DAAM2: variants seen among roughly 807,000 people sequenced by gnomAD.
DAAM2 encodes the protein disheveled-associated activator of morphogenesis 2.
In DAAM2, 39 loss-of-function variants were observed where a neutral mutation model predicts 120.7. That is an observed-to-expected ratio of 0.32 (90% confidence interval 0.25 to 0.42). DAAM2 has a LOEUF of 0.42. Among genes scored for constraint, DAAM2 ranks in the 10% least tolerant of loss-of-function variants. The pLI, the probability that DAAM2 is intolerant of heterozygous loss-of-function variation, is 1.00. For missense variants in DAAM2, 1,283 were observed against 1,401.7 expected (o/e 0.92, Z 1.35); for synonymous variants, 488 against 524.9 (o/e 0.93, Z 0.96).
chr6:39,853,935 C>T (rs1562027887), intron 1 of DAAM2, among the ~76,000 whole-genome samples: 1 of 152,202 alleles, frequency 6.6e-6, no homozygotes, highest in Non-Finnish European at 1.5e-5. Flanking sequence ...TCCACCCCTA[C>T]CTGCCTGAAG....
In DAAM2 at chr6:39,904,146, G is replaced by A. The variant is rs936847438; in HGVS notation, c.*2109G>A. The A allele has an allele frequency of 2.2e-6, 1 of 454,786 alleles. No individual in the cohort carries two copies. Among genetic ancestry groups the A allele is most frequent in the Non-Finnish European group, 4.4e-6 (1 of 226,096 alleles). 28.2% of individuals were successfully genotyped at this position (454,786 alleles called of 1,614,324 possible). A position where few individuals can be genotyped will look rare whatever the true frequency, so the allele number is the denominator to read the frequency against. On this transcript the variant is annotated 3_prime_UTR_variant, in exon 25 of 25. Transcript: ENST00000274867. ...CCATGGAAGACTGGATACGCACCTG[G>A]AAACAAAAGGACTATGGAAGCTGTT...
rs565455169 is a variant in DAAM2 at position 39,845,456 on chromosome 6, A to G, written c.-56-10791A>G. ...CACACACACCGCACACATACCACAA[A>G]TATATGTACCACACCACATACACAT... On this transcript the variant is annotated intron_variant, in intron 1 of 24. Coordinates refer to ENST00000274867, the MANE Select transcript of DAAM2 (RefSeq NM_001201427.2). Among the ~76,000 whole-genome samples, 13 of 68,586 alleles carry G rather than the reference A, an allele frequency of 1.9e-4. No individual in the cohort carries two copies. In the East Asian group the frequency reaches 5.9e-3, roughly 31 times the overall value. 45.0% of individuals were successfully genotyped at this position (68,586 alleles called of 152,430 possible). A position where few individuals can be genotyped will look rare whatever the true frequency, so the allele number is the denominator to read the frequency against.
At chr6:39,856,526 G>A in intron 2 of DAAM2, 56 bp downstream of exon 2, 1 of 1,339,118 alleles carries the variant, frequency 7.5e-7, no homozygotes, top group Non-Finnish European at 9.8e-7. Flanking sequence ...GGATGGAGAG[G>A]CAGAGCTGGA....
intron 1 of DAAM2, among the ~76,000 whole-genome samples, chr6:39,796,097 C>T (rs1439410010): frequency 6.6e-6 from 1 of 152,076 alleles, no homozygotes; most frequent in Non-Finnish European, 1.5e-5. Context: ...CAAACATCTC[C>T]AGTGGGTATG....
At chr6:39,810,409 G>T (rs1007021167) in intron 1 of DAAM2, among the ~76,000 whole-genome samples, 1 of 152,160 alleles carries the variant, frequency 6.6e-6, no homozygotes, top group Admixed American at 6.5e-5. Flanking sequence ...CAAATTCTAA[G>T]CAACAAGCCA....
intron 1 of DAAM2, chr6:39,819,231 T>C (rs1020345893): frequency 6.6e-6 from 1 of 152,146 alleles, no homozygotes; most frequent in Non-Finnish European, 1.5e-5. Context: ...GGATGTTAGG[T>C]TGGAGCACAG....
intron 1 of DAAM2, among the ~76,000 whole-genome samples, chr6:39,797,186 G>A (rs1256348054): frequency 6.6e-6 from 1 of 152,078 alleles, no homozygotes; most frequent in Non-Finnish European, 1.5e-5. Flanking sequence ...CATGAATTTG[G>A]GCTATTTAGT....
At chr6:39,891,511 C>CAGG in intron 18 of DAAM2, 64 bp downstream of exon 18, 1 of 1,516,700 alleles carries the variant, frequency 6.6e-7, no homozygotes, top group Non-Finnish European at 9.0e-7. Flanking sequence ...GCAGGTGGGG[C>CAGG]TCTGCCAAGA....
chr6:39,855,318 A>G (rs1763956675), intron 1 of DAAM2, among the ~76,000 whole-genome samples: 1 of 152,142 alleles, frequency 6.6e-6, no homozygotes, highest in South Asian at 2.1e-4. Context: ...TTCTTTCTCA[A>G]GCTGGTCATC....
chr6:39,860,967 T>A lies in DAAM2; in HGVS notation c.208T>A (p.Phe70Ile), dbSNP rs370116070. 4 of 1,613,302 alleles carry A rather than the reference T, an allele frequency of 2.5e-6. No homozygotes were observed. The highest frequency in any genetic ancestry group is 3.4e-6 in the Non-Finnish European group (4 of 1,179,692). Residue 70 changes from phenylalanine to isoleucine, a missense_variant, in exon 3 of 25, where the codon TTT becomes ATT. This residue lies in a region of DAAM2 where 197 missense variants were observed against 189.3 expected (regional missense o/e 1.04). Coordinates refer to ENST00000274867, the MANE Select transcript of DAAM2 (RefSeq NM_001201427.2). ...DLTDKNREAM[F>I]ALPPEKKWQI... The stretch of plus-strand genomic sequence containing the variant: ...CACTGACAAAAACCGAGAGGCTATG[T>A]TTGCACTGCCCCCTGAGAAGAAATG...
In DAAM2 at chr6:39,901,716, A is replaced by C; in HGVS notation, c.2983-97A>C. The C allele has an allele frequency of 3.3e-6, 4 of 1,201,124 alleles. No individual in the cohort carries two copies. Among genetic ancestry groups the C allele is most frequent in the Non-Finnish European group, 4.5e-6 (4 of 883,254 alleles). 74.4% of individuals were successfully genotyped at this position (1,201,124 alleles called of 1,614,324 possible). A position where few individuals can be genotyped will look rare whatever the true frequency, so the allele number is the denominator to read the frequency against. ...GGGCCAACAGATACAGGCAGGCAGC[A>C]TGACCATGGCCTAGGAGTTAGCCCA... is the stretch of plus-strand genomic sequence containing the variant. On this transcript the variant is annotated intron_variant, in intron 24 of 24. Transcript: ENST00000274867. The surrounding 1 kb of genome is among the most constrained non-coding windows in gnomAD (Gnocchi z 4.5).
Position 39,880,383 on chromosome 6 carries a change from T to G in DAAM2, c.1845+906T>G, listed in dbSNP as rs147952406. On this transcript the variant is annotated intron_variant, in intron 14 of 24. Coordinates refer to ENST00000274867, the MANE Select transcript of DAAM2 (RefSeq NM_001201427.2). ...TGGGAAGAGATGCAAGATTGCTAAG[T>G]AGGTGGTCAGCTATCTGCCAGGGGT... is the stretch of plus-strand genomic sequence containing the variant. Among the ~76,000 whole-genome samples, 53 of 152,240 alleles carry G rather than the reference T, an allele frequency of 3.5e-4. 1 individual carries two copies. The highest frequency in any genetic ancestry group is 3.4e-3 in the Middle Eastern group (1 of 294).
Position 39,820,522 on chromosome 6 carries a change from C to T in DAAM2, c.-57+28057C>T, listed in dbSNP as rs144743050. 3.9e-4 allele frequency: 60 copies of T among 152,214 alleles called. 1 individual carries two copies. Among genetic ancestry groups the T allele is most frequent in the East Asian group, 1.9e-3 (10 of 5,186 alleles). The allele number at this position is 152,214 out of a possible 1,614,324, so 9.4% of individuals were successfully genotyped here. A position where few individuals can be genotyped will look rare whatever the true frequency, so the allele number is the denominator to read the frequency against. ...TACATTTATCTTCTCGCTCTAGTCTCGTCTTGATTGAAATATTGGAGTGAG... is the reference window on the plus strand; with the variant it reads ...TACATTTATCTTCTCGCTCTAGTCTTGTCTTGATTGAAATATTGGAGTGAG... On this transcript the variant is annotated intron_variant, in intron 1 of 24. Coordinates refer to ENST00000274867, the MANE Select transcript of DAAM2 (RefSeq NM_001201427.2).
intron 19 of DAAM2, among the ~76,000 whole-genome samples, chr6:39,893,508 A>C (rs547886868): frequency 6.6e-6 from 1 of 151,602 alleles, no homozygotes; most frequent in East Asian, 1.9e-4. Context: ...ACAGAGCATG[A>C]CTCCATCTCA....
intron 1 of DAAM2, among the ~76,000 whole-genome samples, chr6:39,835,044 T>A (rs1229158034): frequency 6.6e-6 from 1 of 152,210 alleles, no homozygotes; most frequent in African/African-American, 2.4e-5. Flanking sequence ...CTTCCCGCAT[T>A]ATGTCATGAC....
At chr6:39,861,447 T>C (rs2504097) in intron 3 of DAAM2, 198,671 of 328,342 alleles carry the variant, frequency 0.61, 60,946 homozygotes, top group African/African-American at 0.71. Flanking sequence ...CTCACACATC[T>C]GTCCATGTTC....
chr6:39,806,717 G>T (rs1047719100), intron 1 of DAAM2, among the ~76,000 whole-genome samples: 1 of 151,582 alleles, frequency 6.6e-6, no homozygotes, highest in Non-Finnish European at 1.5e-5. Context: ...TAAATGTAAT[G>T]CTAACATTAA....
chr6:39,841,310 T>G (rs1475194763), intron 1 of DAAM2, among the ~76,000 whole-genome samples: 9 of 46,350 alleles, frequency 1.9e-4, no homozygotes, highest in Non-Finnish European at 2.6e-4. Context: ...GGGGAAGGGT[T>G]GGGGAGGGGC....
In DAAM2 at chr6:39,901,849, CAGCGGA is replaced by C. The variant is rs1344196310; in HGVS notation, c.3022_3027del (p.Arg1008_Lys1009del). ...GAGGGAACGTGAGCGGTGGCAGCGG[CAGCGGA>C]AGGTCCTGGCTGCAGGCAGCTCGCT... On this transcript the variant is annotated inframe_deletion, in exon 25 of 25. Coordinates refer to ENST00000274867, the MANE Select transcript of DAAM2 (RefSeq NM_001201427.2). The surrounding 1 kb of genome is among the most constrained non-coding windows in gnomAD (Gnocchi z 4.5). 6.4e-7 allele frequency: 1 copy of C among 1,567,398 alleles called. No individual in the cohort carries two copies. Among genetic ancestry groups the C allele is most frequent in the East Asian group, 2.3e-5 (1 of 44,068 alleles).
Sources: allele counts gnomAD v4.1 joint callset (sites outside exome capture counted in the v4.1 genomes callset), GRCh38; gene constraint gnomAD v4.1.1; regional missense constraint gnomAD v4.1.1; non-coding constraint Gnocchi (gnomAD v3.1); transcripts MANE v1.5; gene names NCBI Gene and HGNC (gene_info 2026-07-23, HGNC 2026-07-21).